Variants in SH3BGRL2 observed in about 807,000 individuals in gnomAD.
SH3BGRL2 encodes SH3 domain binding glutamate rich protein like 2, also known as SH3 domain-binding glutamic acid-rich-like protein 2.
SH3BGRL2 carries 21 observed loss-of-function variants against 14.8 expected under a neutral mutation model. The observed-to-expected ratio is 1.42, with a 90% CI of 1.01 to 2.05. SH3BGRL2 has a LOEUF of 2.05. Ranked by LOEUF, SH3BGRL2 falls within the 30% of genes most tolerant of loss-of-function variation. The pLI, the probability that SH3BGRL2 is intolerant of heterozygous loss-of-function variation, is 0.00. For synonymous variants in SH3BGRL2, 50 were observed against 47.8 expected (o/e 1.05, Z -0.19); for missense variants, 147 against 130.8 (o/e 1.12, Z -0.61).
chr6:79,662,386 A>G (rs1769569711), intron 1 of SH3BGRL2, among the ~76,000 whole-genome samples: 1 of 152,084 alleles, frequency 6.6e-6, no homozygotes. Context: ...AAAGGATTTT[A>G]TTTCTCCTTC....
the SH3BGRL2 span, among the ~76,000 whole-genome samples, chr6:79,583,175 CT>C: frequency 2.6e-5 from 4 of 152,226 alleles, no homozygotes; most frequent in Non-Finnish European, 5.9e-5. Flanking sequence ...TGCTTTTACA[CT>C]GTTGGTGGTA....
At chr6:79,690,465 A>G (rs1314701334) in intron 2 of SH3BGRL2, among the ~76,000 whole-genome samples, 1 of 152,168 alleles carries the variant, frequency 6.6e-6, no homozygotes, top group African/African-American at 2.4e-5. Context: ...CTCCAGGAAC[A>G]GGAATACTTA....
At chr6:79,641,829 CT>C (rs1382709251) in intron 1 of SH3BGRL2, among the ~76,000 whole-genome samples, 1 of 152,140 alleles carries the variant, frequency 6.6e-6, no homozygotes, top group Non-Finnish European at 1.5e-5. Context: ...GTACATACTA[CT>C]TACTAGGCTG....
the SH3BGRL2 span, among the ~76,000 whole-genome samples, chr6:79,610,809 CACA>C: frequency 6.6e-6 from 1 of 152,186 alleles, no homozygotes. Context: ...GTCCTGGCTG[CACA>C]GTCCCCATCC....
the SH3BGRL2 span, among the ~76,000 whole-genome samples, chr6:79,609,303 A>G: frequency 1.5e-4 from 23 of 152,294 alleles, no homozygotes; most frequent in South Asian, 3.9e-3. Context: ...AGAACGTACT[A>G]TTTGAAAGAT....
chr6:79,591,475 C>A, the SH3BGRL2 span, among the ~76,000 whole-genome samples: 1 of 152,088 alleles, frequency 6.6e-6, no homozygotes, highest in Admixed American at 6.6e-5. Flanking sequence ...GTGGTGCAAT[C>A]CAGCTCACTG....
the SH3BGRL2 span, among the ~76,000 whole-genome samples, chr6:79,580,022 A>G: frequency 6.6e-6 from 1 of 152,236 alleles, no homozygotes; most frequent in African/African-American, 2.4e-5. Flanking sequence ...AACAGACTTT[A>G]AACCAACAAA....
chr6:79,641,166 G>A (rs913556257), intron 1 of SH3BGRL2, among the ~76,000 whole-genome samples: 2 of 149,788 alleles, frequency 1.3e-5, no homozygotes, highest in South Asian at 2.1e-4. Flanking sequence ...GTGTGTGTGT[G>A]TGTGTGTGTG....
the SH3BGRL2 span, among the ~76,000 whole-genome samples, chr6:79,600,893 A>G: frequency 6.6e-6 from 1 of 152,226 alleles, no homozygotes; most frequent in South Asian, 2.1e-4. Context: ...CTGTCACACC[A>G]TCTTCCCAGG....
intron 2 of SH3BGRL2, among the ~76,000 whole-genome samples, chr6:79,681,092 T>G (rs1271758234): frequency 1.3e-5 from 2 of 152,180 alleles, no homozygotes; most frequent in African/African-American, 4.8e-5. Context: ...GACAGATTGG[T>G]GCAGTTTGAC....
At chr6:79,565,807 TCTC>T in the SH3BGRL2 span, among the ~76,000 whole-genome samples, 17 of 152,198 alleles carry the variant, frequency 1.1e-4, no homozygotes, top group African/African-American at 4.1e-4. Flanking sequence ...ATTCTCTACT[TCTC>T]CTCTCTAAAC....
the SH3BGRL2 span, among the ~76,000 whole-genome samples, chr6:79,563,273 G>C: frequency 6.7e-6 from 1 of 148,566 alleles, no homozygotes. Context: ...CACCGTGCCC[G>C]GCCTCATTTT....
the SH3BGRL2 span, among the ~76,000 whole-genome samples, chr6:79,550,893 C>T: frequency 1.3e-5 from 2 of 152,154 alleles, no homozygotes; most frequent in African/African-American, 4.8e-5. Flanking sequence ...GTATCTGTCT[C>T]TGTGCCTTTA....
At chr6:79,579,819 T>C in the SH3BGRL2 span, among the ~76,000 whole-genome samples, 1 of 152,128 alleles carries the variant, frequency 6.6e-6, no homozygotes, top group Non-Finnish European at 1.5e-5. Flanking sequence ...TAAATGTAAA[T>C]GGGCTAAATG....
the SH3BGRL2 span, among the ~76,000 whole-genome samples, chr6:79,567,666 A>G: frequency 6.6e-6 from 1 of 152,232 alleles, no homozygotes. Context: ...TTCCTGAAGA[A>G]AATAGATTAT....
intron 3 of SH3BGRL2, among the ~76,000 whole-genome samples, chr6:79,697,231 A>C (rs1770350089): frequency 6.6e-6 from 1 of 152,156 alleles, no homozygotes; most frequent in South Asian, 2.1e-4. Context: ...TCTGATTATG[A>C]AAGTAGCCTA....
At chr6:79,654,682 G>A (rs1019239408) in intron 1 of SH3BGRL2, among the ~76,000 whole-genome samples, 1 of 152,136 alleles carries the variant, frequency 6.6e-6, no homozygotes, top group Non-Finnish European at 1.5e-5. Context: ...AAGAGGTCTA[G>A]GAGAAATATT....
At chr6:79,587,534 AAGT>A in the SH3BGRL2 span, among the ~76,000 whole-genome samples, 1 of 152,236 alleles carries the variant, frequency 6.6e-6, no homozygotes, top group African/African-American at 2.4e-5. Context: ...AATTTCAACA[AAGT>A]AGAACAATTT....
the SH3BGRL2 span, among the ~76,000 whole-genome samples, chr6:79,589,193 T>C: frequency 7.3e-4 from 50 of 68,942 alleles, no homozygotes; most frequent in African/African-American, 1.8e-3. Flanking sequence ...AATTATCCTA[T>C]ATATATATAT....
Sources: gnomAD v4.1 joint callset for allele counts (sites outside exome capture counted in the v4.1 genomes callset) on GRCh38, gnomAD v4.1.1 for gene constraint, MANE v1.5 for transcripts, NCBI Gene and HGNC (gene_info 2026-07-23, HGNC 2026-07-21) for gene names.